ZNF346: variants seen among roughly 807,000 people sequenced by gnomAD.
ZNF346 encodes zinc finger protein 346.
Under a neutral mutation model 33.7 loss-of-function variants are expected in ZNF346, and 23 were observed. That is an observed-to-expected ratio of 0.68 (90% confidence interval 0.49 to 0.97). The LOEUF is 0.97. Ranked by LOEUF, ZNF346 falls within the 50% of genes least tolerant of loss-of-function variation. The pLI, the probability that ZNF346 is intolerant of heterozygous loss-of-function variation, is 0.00. For synonymous variants in ZNF346, 134 were observed against 142.4 expected (o/e 0.94, Z 0.42); for missense variants, 340 against 371.1 (o/e 0.92, Z 0.69).
rs748771649 is a variant in ZNF346 at position 177,051,238 on chromosome 5, G to A, written c.703+302G>A. 6.6e-4 allele frequency among the ~76,000 whole-genome samples: 91 copies of A among 138,848 alleles called. 2 individuals carry two copies. The highest frequency in any genetic ancestry group is 6.0e-4 in the African/African-American group (22 of 36,708). 91.1% of individuals were successfully genotyped at this position (138,848 alleles called of 152,430 possible). On this transcript the variant is annotated intron_variant, in intron 5 of 6. Transcript: ENST00000358149. ...CACCCAGGCTGGAGTGCAGTGGCGCGATCTCGGCTTACTGCAAGCTCCACC... is the reference window on the plus strand; with the variant it reads ...CACCCAGGCTGGAGTGCAGTGGCGCAATCTCGGCTTACTGCAAGCTCCACC...
At position 177,064,850 on chromosome 5, in the gene ZNF346, G is replaced by T. The variant is rs188295559; in HGVS notation, c.*251G>T. The T allele has an allele frequency of 2.0e-3, 959 of 484,606 alleles. 3 individuals are homozygous for T. Among genetic ancestry groups the T allele is most frequent in the Middle Eastern group, 4.9e-3 (9 of 1,830 alleles). The allele number at this position is 484,606 out of a possible 1,614,324, so 30.0% of individuals were successfully genotyped here. A position where few individuals can be genotyped will look rare whatever the true frequency, so the allele number is the denominator to read the frequency against. On this transcript the variant is annotated 3_prime_UTR_variant, in exon 7 of 7. Transcript: ENST00000358149. Reference sequence around the variant, plus strand: ...AGACTCGGGGTCTCGCGGGGTGGTAGTTTGGAGGGTGGCTTTCCCCATTTC... The same window carrying T: ...AGACTCGGGGTCTCGCGGGGTGGTATTTTGGAGGGTGGCTTTCCCCATTTC...
intron 1 of ZNF346, among the ~76,000 whole-genome samples, chr5:177,033,100 G>A (rs1777949567): frequency 6.6e-6 from 1 of 152,060 alleles, no homozygotes; most frequent in African/African-American, 2.4e-5. Context: ...TTTGAGATGG[G>A]GGATCTTGCT....
chr5:177,054,636 T>G (rs1343701833), intron 5 of ZNF346, among the ~76,000 whole-genome samples: 1 of 149,254 alleles, frequency 6.7e-6, no homozygotes, highest in Non-Finnish European at 1.5e-5. Context: ...CCTGACCTTG[T>G]GATCCACACA....
intron 5 of ZNF346, among the ~76,000 whole-genome samples, chr5:177,057,901 A>C (rs1781954234): frequency 6.6e-6 from 1 of 151,170 alleles, no homozygotes; most frequent in Non-Finnish European, 1.5e-5. Flanking sequence ...GGCTTACTGC[A>C]ACCTCCACCT....
At chr5:177,070,256 C>G (rs1231532531), downstream of ZNF346, among the ~76,000 whole-genome samples, 2 of 152,120 alleles carry the variant, frequency 1.3e-5, no homozygotes, top group Admixed American at 1.3e-4. Flanking sequence ...TGGTGGTACC[C>G]AGGAATTTGA....
At chr5:177,049,022 ATTAT>A (rs1780499440) in intron 4 of ZNF346, among the ~76,000 whole-genome samples, 1 of 151,984 alleles carries the variant, frequency 6.6e-6, no homozygotes, top group Non-Finnish European at 1.5e-5. Context: ...CCTGAGTCAG[ATTAT>A]CTGCCTGCCT....
chr5:177,030,390 G>A (rs1345363467), intron 1 of ZNF346, among the ~76,000 whole-genome samples: 3 of 151,594 alleles, frequency 2.0e-5, no homozygotes, highest in South Asian at 2.1e-4. Context: ...AGGCCGAGGC[G>A]GGTGGATCAT....
chr5:177,023,382 C>T (rs1047078857), intron 1 of ZNF346: 2 of 658,256 alleles, frequency 3.0e-6, no homozygotes, highest in African/African-American at 3.6e-5. Context: ...CTGGGTTCCT[C>T]CTGGTCTTGA....
chr5:177,023,154 C>G, intron 1 of ZNF346: 2 of 1,533,126 alleles, frequency 1.3e-6, no homozygotes, highest in Non-Finnish European at 1.7e-6. Flanking sequence ...TCATCATTCA[C>G]TACAGCGCAG....
chr5:177,029,978 G>T (rs111718194), intron 1 of ZNF346, among the ~76,000 whole-genome samples: 1 of 152,118 alleles, frequency 6.6e-6, no homozygotes, highest in Non-Finnish European at 1.5e-5. Context: ...TGAATTAGGG[G>T]ACACCAACTG....
downstream of ZNF346, among the ~76,000 whole-genome samples, chr5:177,072,538 C>G (rs1016941995): frequency 6.6e-6 from 1 of 152,072 alleles, no homozygotes; most frequent in Non-Finnish European, 1.5e-5. Flanking sequence ...GTAAGGACAG[C>G]CTGCTTCAGA....
intron 1 of ZNF346, among the ~76,000 whole-genome samples, chr5:177,027,372 C>G (rs1196773454): frequency 6.6e-6 from 1 of 152,022 alleles, no homozygotes; most frequent in Non-Finnish European, 1.5e-5. Flanking sequence ...TTCTGACCTG[C>G]CTGGGCAACG....
At chr5:177,032,691 G>A (rs1221121576) in intron 1 of ZNF346, among the ~76,000 whole-genome samples, 1 of 152,136 alleles carries the variant, frequency 6.6e-6, no homozygotes, top group Non-Finnish European at 1.5e-5. Context: ...CATTACAGGT[G>A]TGAGCCACCA....
chr5:177,061,375 G>T (rs1482795189), intron 5 of ZNF346, among the ~76,000 whole-genome samples: 1 of 152,070 alleles, frequency 6.6e-6, no homozygotes, highest in East Asian at 1.9e-4. Flanking sequence ...AACCCGGGAG[G>T]CACAGGTTGC....
chr5:177,046,940 G>A (rs1581876656), intron 4 of ZNF346, among the ~76,000 whole-genome samples: 1 of 152,022 alleles, frequency 6.6e-6, no homozygotes, highest in African/African-American at 2.4e-5. Context: ...CACCAAGAGA[G>A]AAATACTGTT....
At chr5:177,071,864 T>G (rs1001906763), downstream of ZNF346, among the ~76,000 whole-genome samples, 3 of 152,152 alleles carry the variant, frequency 2.0e-5, no homozygotes, top group Non-Finnish European at 4.4e-5. Context: ...CTCTCTGCCC[T>G]GTGCAAAGCC....
intron 3 of ZNF346, chr5:177,042,157 C>T (rs1779420023): frequency 3.9e-6 from 1 of 258,164 alleles, no homozygotes; most frequent in Non-Finnish European, 7.3e-6. Context: ...GCTGGTATTA[C>T]ATATTACCGC....
At chr5:177,060,619 C>A (rs1235437536) in intron 5 of ZNF346, among the ~76,000 whole-genome samples, 1 of 151,950 alleles carries the variant, frequency 6.6e-6, no homozygotes, top group Admixed American at 6.6e-5. Flanking sequence ...TGAGACCAGC[C>A]TGGCCAACAT....
chr5:177,076,454 G>A (rs1293156025), intron 8 of ZNF346, among the ~76,000 whole-genome samples: 3 of 152,146 alleles, frequency 2.0e-5, no homozygotes, highest in African/African-American at 4.8e-5. Flanking sequence ...GCCCATCTTC[G>A]ATATCTGATC....
Sources: gnomAD v4.1 joint callset for allele counts (sites outside exome capture counted in the v4.1 genomes callset) on GRCh38, gnomAD v4.1.1 for gene constraint, MANE v1.5 for transcripts, NCBI Gene and HGNC (gene_info 2026-07-23, HGNC 2026-07-21) for gene names.